PLCXD1: variants seen among roughly 807,000 people sequenced by gnomAD.
PLCXD1 encodes the protein phosphatidylinositol specific phospholipase C X domain containing 1.
PLCXD1 carries 45 observed loss-of-function variants against 37.8 expected under a neutral mutation model. The ratio of observed to expected loss-of-function variants is 1.19; its 90% CI spans 0.94 to 1.53. The LOEUF (loss-of-function observed/expected upper bound fraction) is 1.53, where lower values mean the gene tolerates loss of function less well. Among genes scored for constraint, PLCXD1 ranks in the 40% most tolerant of loss-of-function variants. PLCXD1 has a pLI of 0.00. For missense variants in PLCXD1, 539 were observed against 454.7 expected, an observed-to-expected ratio of 1.19 and a Z score of -1.69; for synonymous variants, 246 against 206.9, an observed-to-expected ratio of 1.19 and a Z score of -1.62.
At position 282,955 on chromosome X, in the gene PLCXD1, ATT is replaced by A. The variant is rs1491583578; in HGVS notation, c.-21-1211_-21-1210del. On this transcript the variant is annotated intron_variant, in intron 1 of 6. Transcript: ENST00000381657. ...TATGTTATATATATATTATATATAT[ATT>A]ATATATGTATATATTATATGTATAA... 6.3e-5 allele frequency among the ~76,000 whole-genome samples: 9 copies of A among 142,104 alleles called. No individual in the cohort carries two copies. The East Asian group carries it at 1.4e-3, about 22-fold the overall frequency. The allele number at this position is 142,104 out of a possible 152,430, so 93.2% of individuals were successfully genotyped here. A position where few individuals can be genotyped will look rare whatever the true frequency, so the allele number is the denominator to read the frequency against.
At chrX:292,886 T>G (rs28390201) in intron 5 of PLCXD1, 149 bp from the exon 6 acceptor site, 403,637 of 546,518 alleles carry the variant, frequency 0.74, 150,405 homozygotes, top group Non-Finnish European at 0.77. Flanking sequence ...GTGCTGGGAT[T>G]ACAGGCGTCA....
At chrX:292,925 T>C (rs1187614184) in intron 5 of PLCXD1, 110 bp from the exon 6 acceptor site, 15 of 686,380 alleles carry the variant, frequency 2.2e-5, no homozygotes, top group African/African-American at 5.4e-5. Context: ...AATTTCATTT[T>C]TGGTTTATAC....
intron 2 of PLCXD1, among the ~76,000 whole-genome samples, chrX:286,282 C>G (rs966657474): frequency 6.6e-6 from 1 of 152,072 alleles, no homozygotes; most frequent in Admixed American, 6.5e-5. Flanking sequence ...TCAAGCTGGT[C>G]TCGAACTCCC....
rs2069540254 is a variant in PLCXD1 at position 288,872 on chromosome X, A to G, written c.264+3A>G. 7 of 1,612,236 alleles carry G rather than the reference A, an allele frequency of 4.3e-6. No homozygotes were observed. Among genetic ancestry groups the G allele is most frequent in the Non-Finnish European group, 5.9e-6 (7 of 1,179,700 alleles). ...TGCTGAAATGGTCCGTCACCCAGGT[A>G]CGGTCTGTGCCCCGTGCTGCTGACC... On this transcript the variant is annotated splice_donor_region_variant and intron_variant, in intron 3 of 6. Transcript: ENST00000381657.
At chrX:284,083 G>C (rs1455721527) in intron 1 of PLCXD1, 84 bp from the exon 2 acceptor site, 38 of 1,075,002 alleles carry the variant, frequency 3.5e-5, no homozygotes, top group Non-Finnish European at 4.9e-5. Context: ...TAGAGATGGG[G>C]TTTTGTCAAG....
At chrX:278,698 C>T (rs182975520), upstream of PLCXD1, among the ~76,000 whole-genome samples, 25 of 142,926 alleles carry the variant, frequency 1.7e-4, no homozygotes, top group African/African-American at 6.2e-4. Flanking sequence ...GAGATTGCAC[C>T]ACTGCACTCC....
rs1392885653 is a variant in PLCXD1, at chrX:300,322, T to G, written c.*987T>G. 1 of 151,954 alleles carries G rather than the reference T, an allele frequency of 6.6e-6. No individual in the cohort carries two copies. The highest frequency in any genetic ancestry group is 6.6e-5 in the Admixed American group (1 of 15,234). 9.4% of individuals were successfully genotyped at this position (151,954 alleles called of 1,614,324 possible). A position where few individuals can be genotyped will look rare whatever the true frequency, so the allele number is the denominator to read the frequency against. On this transcript the variant is annotated 3_prime_UTR_variant, in exon 7 of 7. Coordinates refer to ENST00000381657, the MANE Select transcript of PLCXD1 (RefSeq NM_018390.4). ...AGCCCACTTAGGAGCCGGCCTCCCC[T>G]GTCAGCCAACCCCTCAGCTAGTTCT... is the stretch of plus-strand genomic sequence containing the variant.
intron 1 of PLCXD1, among the ~76,000 whole-genome samples, chrX:282,156 T>A (rs2069292633): frequency 6.6e-6 from 1 of 152,190 alleles, no homozygotes; most frequent in Non-Finnish European, 1.5e-5. Context: ...CAATTCTAAT[T>A]GATTTGATTA....
chrX:277,213 G>A (rs187254653), upstream of PLCXD1, among the ~76,000 whole-genome samples: 17,528 of 134,400 alleles, frequency 0.13, 1,345 homozygotes, highest in East Asian at 0.27. Flanking sequence ...ACAGGAGGGG[G>A]CGCCCCTCAG....
At chrX:287,019 C>T (rs2069468359) in intron 2 of PLCXD1, among the ~76,000 whole-genome samples, 1 of 151,818 alleles carries the variant, frequency 6.6e-6, no homozygotes, top group Non-Finnish European at 1.5e-5. Flanking sequence ...GCTTCACGTT[C>T]CTCAGGGGAT....
At position 288,881 on chromosome X, in the gene PLCXD1, G is replaced by T. The variant is rs914494327; in HGVS notation, c.264+12G>T. 3 of 1,611,400 alleles carry T rather than the reference G, an allele frequency of 1.9e-6. No homozygotes were observed. The highest frequency in any genetic ancestry group is 2.5e-6 in the Non-Finnish European group (3 of 1,179,206). ...GGTCCGTCACCCAGGTACGGTCTGT[G>T]CCCCGTGCTGCTGACCTGGCCTGTC... is the stretch of plus-strand genomic sequence containing the variant. On this transcript the variant is annotated intron_variant, in intron 3 of 6. Transcript: ENST00000381657.
chrX:292,908 C>T (rs925690900), intron 5 of PLCXD1, 127 bp from the exon 6 acceptor site: 27 of 614,688 alleles, frequency 4.4e-5, no homozygotes, highest in Middle Eastern at 4.6e-4. Context: ...CCACTGCGCC[C>T]GGCCAGAATT....
At chrX:295,674 G>A (rs190696410) in intron 6 of PLCXD1, among the ~76,000 whole-genome samples, 408 of 150,800 alleles carry the variant, frequency 2.7e-3, no homozygotes, top group African/African-American at 8.7e-3. Context: ...ACAGGCGCCC[G>A]CCACCACACC....
chrX:282,254 C>A (rs1478704156), intron 1 of PLCXD1, among the ~76,000 whole-genome samples: 8 of 152,190 alleles, frequency 5.3e-5, no homozygotes, highest in South Asian at 2.1e-4. Flanking sequence ...TGGTGGCGGA[C>A]GCCTGTAATC....
chrX:281,801 C>T (rs1301057451), intron 1 of PLCXD1, 117 bp downstream of exon 1: 1 of 152,228 alleles, frequency 6.6e-6, no homozygotes, highest in Non-Finnish European at 1.5e-5. Flanking sequence ...CTTTGTCACC[C>T]AGGCTGGAGT....
chrX:279,750 C>A (rs762506060), upstream of PLCXD1, among the ~76,000 whole-genome samples: 441 of 146,164 alleles, frequency 3.0e-3, 4 homozygotes, highest in African/African-American at 0.01. Context: ...CACCAGTCTG[C>A]GCAACAGAGC....
chrX:285,842 A>G (rs1177004969), intron 2 of PLCXD1, among the ~76,000 whole-genome samples: 7 of 152,152 alleles, frequency 4.6e-5, no homozygotes, highest in Non-Finnish European at 1.0e-4. Context: ...GCCACATTTG[A>G]GGACTGCAGC....
Position 301,886 on chromosome X carries a change from A to T in PLCXD1, c.*2551A>T, listed in dbSNP as rs1219491530. The stretch of plus-strand genomic sequence containing the variant: ...GGTGATCCATCCGCATTGGCCTCCC[A>T]AAGTGCTGGGATCACAGGCGTGAGC... On this transcript the variant is annotated 3_prime_UTR_variant, in exon 7 of 7. Coordinates refer to ENST00000381657, the MANE Select transcript of PLCXD1 (RefSeq NM_018390.4). The T allele has an allele frequency of 6.6e-6, 1 of 152,290 alleles. No homozygotes were observed. Among genetic ancestry groups the T allele is most frequent in the African/African-American group, 2.4e-5 (1 of 41,446 alleles). The allele number at this position is 152,290 out of a possible 1,614,324, so 9.4% of individuals were successfully genotyped here.
chrX:278,726 A>G (rs28655690), upstream of PLCXD1, among the ~76,000 whole-genome samples: 87,707 of 139,504 alleles, frequency 0.63, 27,928 homozygotes, highest in East Asian at 0.72. Flanking sequence ...GAGACAGAGC[A>G]AGACTCCGTC....
Sources: gnomAD v4.1 joint callset for allele counts (sites outside exome capture counted in the v4.1 genomes callset) on GRCh38, gnomAD v4.1.1 for gene constraint, MANE v1.5 for transcripts, NCBI Gene and HGNC (gene_info 2026-07-23, HGNC 2026-07-21) for gene names.